The following MAPKAPK5 variants were observed in gnomAD, a reference collection of about 807,000 sequenced individuals.
MAPKAPK5 encodes MAPK activated protein kinase 5.
A neutral mutation model predicts 65.1 loss-of-function variants in MAPKAPK5; 30 were observed. The observed-to-expected ratio is 0.46, with a 90% CI of 0.34 to 0.63. MAPKAPK5 has a LOEUF of 0.63. MAPKAPK5 is among the 20% of genes least tolerant of loss of function. The probability of loss-of-function intolerance (pLI) is 0.01; values close to 1 mark genes in which losing one functional copy is unlikely to be tolerated. For missense variants in MAPKAPK5, 433 were observed against 581.4 expected (o/e 0.74, Z 2.63); for synonymous variants, 179 against 204.6 (o/e 0.87, Z 1.07).
chr12:111,892,433 C>T (rs2070645478), intron 13 of MAPKAPK5, among the ~76,000 whole-genome samples: 1 of 152,190 alleles, frequency 6.6e-6, no homozygotes, highest in East Asian at 1.9e-4. Context: ...TTCACGTCCA[C>T]ACCAACTCTT....
intron 2 of MAPKAPK5, 96 bp downstream of exon 2, chr12:111,865,419 T>C: frequency 1.2e-6 from 1 of 828,470 alleles, no homozygotes; most frequent in Non-Finnish European, 2.0e-6. Context: ...ACACATCAGG[T>C]GTGCCAGATT....
Position 111,900,054 on chromosome 12 carries a change from C to G in MAPKAPK5, c.*6993C>G, listed in dbSNP as rs1390407689. 4.4e-6 allele frequency: 2 copies of G among 456,080 alleles called. No individual in the cohort carries two copies. Among genetic ancestry groups the G allele is most frequent in the Non-Finnish European group, 8.8e-6 (2 of 226,810 alleles). 28.3% of individuals were successfully genotyped at this position (456,080 alleles called of 1,614,324 possible). A position where few individuals can be genotyped will look rare whatever the true frequency, so the allele number is the denominator to read the frequency against. On this transcript the variant is annotated 3_prime_UTR_variant, in exon 14 of 14. Coordinates refer to ENST00000550735, the MANE Select transcript of MAPKAPK5 (RefSeq NM_003668.4). Reference sequence around the variant, plus strand: ...CCAGACAGTAGTGGATGTCATTGCTCTGGCCAACAGCTTCACTAGGGGAAT... The same window carrying G: ...CCAGACAGTAGTGGATGTCATTGCTGTGGCCAACAGCTTCACTAGGGGAAT...
chr12:111,875,480 T>C (rs1022495433), intron 7 of MAPKAPK5, among the ~76,000 whole-genome samples: 1 of 152,170 alleles, frequency 6.6e-6, no homozygotes, highest in Non-Finnish European at 1.5e-5. Flanking sequence ...GGATCTCTCT[T>C]TACAGTCTTG....
chr12:111,878,658 A>G (rs2070082970), intron 7 of MAPKAPK5, among the ~76,000 whole-genome samples: 1 of 152,030 alleles, frequency 6.6e-6, no homozygotes, highest in African/African-American at 2.4e-5. Context: ...TGACCTCGTG[A>G]TCCTCCTGCC....
chr12:111,844,159 A>G (rs2068831315), intron 1 of MAPKAPK5, among the ~76,000 whole-genome samples: 2 of 151,034 alleles, frequency 1.3e-5, no homozygotes, highest in South Asian at 4.2e-4. Context: ...AGATTCTAAA[A>G]GACTGCCTTG....
chr12:111,880,580 G>C, intron 8 of MAPKAPK5, 53 bp downstream of exon 8: 1 of 1,535,640 alleles, frequency 6.5e-7, no homozygotes, highest in Non-Finnish European at 9.0e-7. Flanking sequence ...CTCTCCTTTA[G>C]TGAGGTGTTT....
chr12:111,850,658 C>G lies in MAPKAPK5; in HGVS notation c.36+7889C>G, dbSNP rs562676143. Among the ~76,000 whole-genome samples the G allele has an allele frequency of 2.0e-5, 3 of 152,234 alleles. No homozygotes were observed. In the South Asian group the frequency reaches 6.2e-4, roughly 32 times the overall value. On this transcript the variant is annotated intron_variant, in intron 1 of 13. Transcript: ENST00000550735. ...GGTTTTTAATGCAGACAAAAATGCC[C>G]TGTTCTGGGGAAAACAATGCCACAA...
chr12:111,855,856 T>C (rs1426985629), intron 1 of MAPKAPK5, among the ~76,000 whole-genome samples: 1 of 151,134 alleles, frequency 6.6e-6, no homozygotes, highest in Non-Finnish European at 1.5e-5. Flanking sequence ...TTAATTTCTT[T>C]TTTTTTTTTT....
chr12:111,853,592 T>C (rs1420527538), intron 1 of MAPKAPK5, among the ~76,000 whole-genome samples: 2 of 152,140 alleles, frequency 1.3e-5, no homozygotes, highest in Non-Finnish European at 1.5e-5. Context: ...TGGAGTGCAG[T>C]GGTGTGATCT....
intron 3 of MAPKAPK5, 117 bp from the exon 4 acceptor site, chr12:111,867,455 A>G (rs2069650888): frequency 1.5e-6 from 1 of 650,968 alleles, no homozygotes; most frequent in Non-Finnish European, 2.7e-6. Context: ...GGGTTTTTAC[A>G]TCATTCTAAG....
At chr12:111,852,640 T>A (rs1305954432) in intron 1 of MAPKAPK5, among the ~76,000 whole-genome samples, 1 of 152,192 alleles carries the variant, frequency 6.6e-6, no homozygotes, top group Non-Finnish European at 1.5e-5. Flanking sequence ...AACCTTCACG[T>A]TGTTCAAGGG....
chr12:111,880,397 C>T (rs981976078), intron 7 of MAPKAPK5, 50 bp from the exon 8 acceptor site: 8 of 1,436,356 alleles, frequency 5.6e-6, no homozygotes, highest in Admixed American at 1.7e-5. Flanking sequence ...GGCAGGTTAT[C>T]GGTGGTGTGA....
At chr12:111,848,800 G>C (rs1259844897) in intron 1 of MAPKAPK5, among the ~76,000 whole-genome samples, 1 of 151,816 alleles carries the variant, frequency 6.6e-6, no homozygotes, top group Admixed American at 6.6e-5. Context: ...TACGACCTTG[G>C]CTCACTGCAA....
chr12:111,846,429 A>G (rs1049145702), intron 1 of MAPKAPK5, among the ~76,000 whole-genome samples: 3 of 152,020 alleles, frequency 2.0e-5, no homozygotes, highest in Non-Finnish European at 2.9e-5. Flanking sequence ...TTTTAGTTAC[A>G]TATGGTCAAC....
rs1316720847 is a variant in MAPKAPK5 at position 111,897,433 on chromosome 12, A to G, written c.*4372A>G. On this transcript the variant is annotated 3_prime_UTR_variant, in exon 14 of 14. Coordinates refer to ENST00000550735, the MANE Select transcript of MAPKAPK5 (RefSeq NM_003668.4). ...AAATAAGTTTCAATTTGAGAATTAG[A>G]AAATTGGATATTTCATTTTAATTAT... The G allele has an allele frequency of 1.3e-5, 2 of 152,336 alleles. No homozygotes were observed. The highest frequency in any genetic ancestry group is 4.8e-5 in the African/African-American group (2 of 41,582). The allele number at this position is 152,336 out of a possible 1,614,324, so 9.4% of individuals were successfully genotyped here.
chr12:111,867,704 A>C (rs769988070), intron 4 of MAPKAPK5, 35 bp downstream of exon 4: 1 of 1,470,716 alleles, frequency 6.8e-7, no homozygotes, highest in Non-Finnish European at 9.5e-7. Flanking sequence ...AAATGCCCAC[A>C]TGTAGGCCAA....
intron 7 of MAPKAPK5, among the ~76,000 whole-genome samples, chr12:111,878,616 TCA>T (rs1325960785): frequency 6.6e-6 from 1 of 152,038 alleles, no homozygotes; most frequent in Non-Finnish European, 1.5e-5. Flanking sequence ...AGACGGGGTT[TCA>T]CCATGTTAGC....
intron 1 of MAPKAPK5, among the ~76,000 whole-genome samples, chr12:111,844,743 G>C (rs554443105): frequency 1.3e-5 from 2 of 152,204 alleles, no homozygotes; most frequent in African/African-American, 4.8e-5. Flanking sequence ...TGTTAAATAG[G>C]GTAGTCCGAG....
intron 9 of MAPKAPK5, among the ~76,000 whole-genome samples, chr12:111,884,921 G>T (rs936951183): frequency 6.6e-6 from 1 of 152,208 alleles, no homozygotes; most frequent in Admixed American, 6.5e-5. Context: ...GCTATAAAGA[G>T]GGACTGTTTT....
Sources: gnomAD v4.1 joint callset for allele counts (sites outside exome capture counted in the v4.1 genomes callset) on GRCh38, gnomAD v4.1.1 for gene constraint, MANE v1.5 for transcripts, NCBI Gene and HGNC (gene_info 2026-07-23, HGNC 2026-07-21) for gene names.